The following CRBN variants were observed in gnomAD, a reference collection of about 807,000 sequenced individuals.
CRBN encodes the protein cereblon, also known as protein cereblon.
A neutral mutation model predicts 62.2 loss-of-function variants in CRBN; 53 were observed. The observed-to-expected ratio is 0.85, with a 90% CI of 0.68 to 1.07. The LOEUF (loss-of-function observed/expected upper bound fraction) is 1.07, where lower values mean the gene tolerates loss of function less well. Among genes scored for constraint, CRBN ranks in the 50% least tolerant of loss-of-function variants. CRBN has a pLI of 0.00. For missense variants in CRBN, 616 were observed against 531.1 expected (o/e 1.16, Z -1.57); for synonymous variants, 208 against 176.1 (o/e 1.18, Z -1.43).
chr3:3,152,232 C>T (rs1355845417), intron 10 of CRBN, among the ~76,000 whole-genome samples: 1 of 151,486 alleles, frequency 6.6e-6, no homozygotes, highest in Non-Finnish European at 1.5e-5. Context: ...CTCACTGCAA[C>T]ACTCTTGCCT....
chr3:3,157,568 C>T (rs1706951606), intron 5 of CRBN, among the ~76,000 whole-genome samples: 1 of 152,058 alleles, frequency 6.6e-6, no homozygotes, highest in Admixed American at 6.5e-5. Flanking sequence ...TGATACTTAC[C>T]CTAGGTATGT....
intron 9 of CRBN, 163 bp downstream of exon 9, chr3:3,153,261 A>G (rs529987495): frequency 1.6e-5 from 9 of 580,578 alleles, no homozygotes; most frequent in African/African-American, 1.3e-4. Context: ...TGAGTACCCA[A>G]TCTGGAAGAT....
chr3:3,156,089 CCACCACT>C, intron 6 of CRBN, 123 bp downstream of exon 6: 1 of 803,412 alleles, frequency 1.2e-6, no homozygotes, highest in African/African-American at 1.7e-5. Flanking sequence ...CAGGTGTGAG[CCACCACT>C]CTTAACGATA....
At chr3:3,177,993 AAAC>A (rs202205738) in intron 1 of CRBN, among the ~76,000 whole-genome samples, 1,710 of 149,384 alleles carry the variant, frequency 0.011, 32 homozygotes, top group South Asian at 0.033. Flanking sequence ...CTTTTCTGAA[AAAC>A]AAAAAACAAA....
In CRBN at chr3:3,167,578, G is replaced by GA. The variant is rs200791867; in HGVS notation, c.687+55dup. 6,315 of 1,523,902 alleles carry GA rather than the reference G, an allele frequency of 4.1e-3. 37 individuals carry two copies. Among genetic ancestry groups the GA allele is most frequent in the East Asian group, 0.02 (888 of 44,110 alleles). 94.4% of individuals were successfully genotyped at this position (1,523,902 alleles called of 1,614,324 possible). A position where few individuals can be genotyped will look rare whatever the true frequency, so the allele number is the denominator to read the frequency against. Reference sequence around the variant, plus strand: ...AAGTTGTGTTTCTTTCTTAAAACAGGAAAAAAAACAACCTGTCTTCATTTT... The same window carrying GA: ...AAGTTGTGTTTCTTTCTTAAAACAGGAAAAAAAAACAACCTGTCTTCATTTT... On this transcript the variant is annotated intron_variant, in intron 5 of 10. Transcript: ENST00000231948.
In CRBN at chr3:3,174,120, C is replaced by T. The variant is rs758183266; in HGVS notation, c.316G>A (p.Glu106Lys). The change falls in exon 3 of 11, where the codon GAA becomes AAA. Residue 106 changes from glutamate (E) to lysine (K), a missense_variant. By Grantham distance (56) the Glu-to-Lys change is moderately conservative. Transcript: ENST00000231948. ...TLPLQLFHPQ[E>K]VSMVRNLIQK... is the part of the protein sequence containing the mutation. The stretch of plus-strand genomic sequence containing the variant: ...ATTAAATTCCGCACCATACTGACTT[C>T]TTGAGGGTGAAAAAGCTGAAGAGGT... 6.2e-7 allele frequency: 1 copy of T among 1,614,136 alleles called. No homozygotes were observed. The highest frequency in any genetic ancestry group is 8.5e-7 in the Non-Finnish European group (1 of 1,180,034).
At chr3:3,166,262 T>C (rs1707327815) in intron 5 of CRBN, among the ~76,000 whole-genome samples, 1 of 152,140 alleles carries the variant, frequency 6.6e-6, no homozygotes, top group Non-Finnish European at 1.5e-5. Flanking sequence ...TGAGATCTGA[T>C]GGTTTTAAAA....
intron 4 of CRBN, chr3:3,172,415 G>T (rs1158236982): frequency 3.5e-6 from 1 of 288,844 alleles, no homozygotes; most frequent in Non-Finnish European, 6.7e-6. Flanking sequence ...TGCTCCGAGA[G>T]GCCTTCAATC....
intron 9 of CRBN, 63 bp from the exon 10 acceptor site, chr3:3,152,650 T>C (rs373209465): frequency 3.1e-6 from 5 of 1,591,904 alleles, no homozygotes; most frequent in African/African-American, 1.3e-5. Context: ...ATTAAATGCT[T>C]AGAATTTTAT....
At position 3,152,651 on chromosome 3, in the gene CRBN, A is replaced by G. The variant is rs527718687; in HGVS notation, c.1017-64T>C. On this transcript the variant is annotated intron_variant, in intron 9 of 10. Coordinates refer to ENST00000231948, the MANE Select transcript of CRBN (RefSeq NM_016302.4). Reference sequence around the variant, plus strand: ...AGAAGTCTAATTTTATTAAATGCTTAGAATTTTATTGAAGTTCACCAAGAA... The same window carrying G: ...AGAAGTCTAATTTTATTAAATGCTTGGAATTTTATTGAAGTTCACCAAGAA... 216 of 1,593,034 alleles carry G rather than the reference A, an allele frequency of 1.4e-4. No homozygotes were observed. In the East Asian group the frequency reaches 4.4e-3, roughly 33 times the overall value.
At chr3:3,172,749 A>G (rs1173700508) in intron 4 of CRBN, 27 bp downstream of exon 4, 5 of 1,602,752 alleles carry the variant, frequency 3.1e-6, no homozygotes, top group South Asian at 1.1e-5. Context: ...ACATTCAAAG[A>G]GCATTAAGGT....
chr3:3,169,291 T>C (rs1559253575), intron 4 of CRBN, among the ~76,000 whole-genome samples: 2 of 152,190 alleles, frequency 1.3e-5, no homozygotes, highest in South Asian at 4.1e-4. Context: ...CTGAGTTTTG[T>C]TTTTAACATA....
At chr3:3,153,596 G>A (rs1706735049) in intron 8 of CRBN, 108 bp from the exon 9 acceptor site, 1 of 746,634 alleles carries the variant, frequency 1.3e-6, no homozygotes, top group South Asian at 1.5e-5. Context: ...TGCTCTCTCT[G>A]AATATCACAT....
rs747727790 is a variant in CRBN at position 3,152,492 on chromosome 3, A to G, written c.1112T>C (p.Ile371Thr). ...GCTGTGTTCTGTAGAAGGCCGGCCT[A>G]TCAGATTCAAGTTGCAAGCCTTATA... Reference protein sequence around the residue: ...TVYKACNLNLIGRPSTEHSWF... With the variant: ...TVYKACNLNLTGRPSTEHSWF... The change falls in exon 10 of 11, where the codon ATA (isoleucine) becomes ACA (threonine). Residue 371 changes from isoleucine to threonine, a missense_variant. Ile to Thr is a moderately conservative substitution (Grantham distance 89). Transcript: ENST00000231948. 1.2e-6 allele frequency: 2 copies of G among 1,614,026 alleles called. No homozygotes were observed. The highest frequency in any genetic ancestry group is 3.3e-5 in the Admixed American group (2 of 59,998).
chr3:3,156,665 T>G (rs1706905286), intron 5 of CRBN: 1 of 213,764 alleles, frequency 4.7e-6, no homozygotes, highest in Admixed American at 5.3e-5. Flanking sequence ...CCAAACTGTT[T>G]TTGTGTAAAA....
chr3:3,179,247 G>A (rs1024958527), intron 1 of CRBN, among the ~76,000 whole-genome samples: 1 of 152,220 alleles, frequency 6.6e-6, no homozygotes, highest in African/African-American at 2.4e-5. Context: ...CATGTTAGCT[G>A]TCACTCTTAT....
rs1229371109 is a variant in CRBN at position 3,154,765 on chromosome 3, G to A, written c.817C>T (p.Leu273Phe). 1.9e-6 allele frequency: 3 copies of A among 1,596,006 alleles called. No individual in the cohort carries two copies. The highest frequency in any genetic ancestry group is 1.3e-5 in the African/African-American group (1 of 74,548). Residue 273 changes from leucine (L) to phenylalanine (F), a missense_variant, in exon 7 of 11, where the codon CTT becomes TTT. Leu to Phe is a conservative substitution (Grantham distance 22, BLOSUM62 0). Transcript: ENST00000231948. ...TTCATACCTATTGGATTTGAAGGAAGAGAATCATCTTTTAGATTTTCATCC... is the reference window on the plus strand; with the variant it reads ...TTCATACCTATTGGATTTGAAGGAAAAGAATCATCTTTTAGATTTTCATCC... The part of the protein sequence containing the change: ...EWDENLKDDS[L>F]PSNPIDFSYR...
At chr3:3,160,379 ATAAT>A (rs887610258) in intron 5 of CRBN, among the ~76,000 whole-genome samples, 2 of 152,242 alleles carry the variant, frequency 1.3e-5, no homozygotes, top group African/African-American at 4.8e-5. Context: ...ATTTATATAA[ATAAT>A]TAAAAAGTTA....
At chr3:3,149,704 T>TGGAAGTATTCCTGAA (rs1559235799), downstream of CRBN, 1 of 152,100 alleles carries the variant, frequency 6.6e-6, no homozygotes, top group Admixed American at 6.5e-5. Flanking sequence ...CATATCCTGA[T>TGGAAGTATTCCTGAA]TGGAAGTATT....
Sources: gnomAD v4.1 joint callset for allele counts (sites outside exome capture counted in the v4.1 genomes callset) on GRCh38, gnomAD v4.1.1 for gene constraint, MANE v1.5 for transcripts, NCBI Gene and HGNC (gene_info 2026-07-23, HGNC 2026-07-21) for gene names.